Variants in RP1 observed in about 807,000 individuals in gnomAD.
The protein encoded by RP1 is oxygen-regulated protein 1.
In RP1, 16 loss-of-function variants were observed where a neutral mutation model predicts 14.8. That is an observed-to-expected ratio of 1.08 (90% CI 0.73 to 1.65). The LOEUF (loss-of-function observed/expected upper bound fraction) is 1.65, where lower values mean the gene tolerates loss of function less well. Ranked by LOEUF, RP1 falls within the 40% of genes most tolerant of loss-of-function variation. The probability of loss-of-function intolerance (pLI) is 0.00; values close to 1 mark genes in which losing one functional copy is unlikely to be tolerated. For missense variants in RP1, 2,631 were observed against 2,535.0 expected, an observed-to-expected ratio of 1.04 and a Z score of -0.81; for synonymous variants, 876 against 883.6, an observed-to-expected ratio of 0.99 and a Z score of 0.15.
At chr8:54,672,898 T>A (rs1047218319) in intron 7 of RP1, among the ~76,000 whole-genome samples, 4 of 152,202 alleles carry the variant, frequency 2.6e-5, no homozygotes, top group Non-Finnish European at 5.9e-5. Flanking sequence ...TTATTATAAA[T>A]ATCATAACTC....
intron 15 of RP1, among the ~76,000 whole-genome samples, chr8:54,719,180 C>T (rs1168545264): frequency 6.6e-6 from 1 of 152,034 alleles, no homozygotes; most frequent in Non-Finnish European, 1.5e-5. Flanking sequence ...GTTTATGGTG[C>T]CCCTCCACCT....
chr8:54,673,993 C>A, intron 8 of RP1: 3 of 1,261,186 alleles, frequency 2.4e-6, no homozygotes, highest in South Asian at 1.3e-5. Flanking sequence ...AAACTCTGTT[C>A]AAATCTAGAA....
chr8:54,570,175 C>T (rs1586389237), intron 1 of RP1, among the ~76,000 whole-genome samples: 1 of 152,114 alleles, frequency 6.6e-6, no homozygotes, highest in South Asian at 2.1e-4. Flanking sequence ...TGTGGAAAAC[C>T]CAACTGCCCA....
At chr8:54,662,584 G>A (rs1397754378) in intron 6 of RP1, among the ~76,000 whole-genome samples, 5 of 152,152 alleles carry the variant, frequency 3.3e-5, no homozygotes, top group Admixed American at 2.6e-4. Flanking sequence ...ATGGTAGCAT[G>A]TCTGCATCTT....
At chr8:54,685,525 T>C (rs1807543138) in intron 12 of RP1, among the ~76,000 whole-genome samples, 1 of 152,204 alleles carries the variant, frequency 6.6e-6, no homozygotes, top group African/African-American at 2.4e-5. Flanking sequence ...GAGACTGTTA[T>C]GATTTCAGTT....
chr8:54,642,828 G>A (rs1806476329), intron 3 of RP1, among the ~76,000 whole-genome samples: 1 of 152,110 alleles, frequency 6.6e-6, no homozygotes, highest in Non-Finnish European at 1.5e-5. Flanking sequence ...CTTCACTGAT[G>A]TCAAACTGTG....
chr8:54,693,383 C>G (rs1453352802), intron 12 of RP1, among the ~76,000 whole-genome samples: 1 of 152,068 alleles, frequency 6.6e-6, no homozygotes, highest in Non-Finnish European at 1.5e-5. Context: ...ATGGGGATGG[C>G]CTTGAATCTA....
At chr8:54,694,131 G>T (rs985875193) in intron 12 of RP1, among the ~76,000 whole-genome samples, 2 of 152,042 alleles carry the variant, frequency 1.3e-5, no homozygotes, top group African/African-American at 4.8e-5. Context: ...TTATTGATTT[G>T]CATATGTTGA....
chr8:54,563,622 T>C (rs932732448), intron 1 of RP1, among the ~76,000 whole-genome samples: 6 of 152,124 alleles, frequency 3.9e-5, no homozygotes, highest in African/African-American at 1.2e-4. Context: ...CATAGCTCAC[T>C]ACAGCCTTGA....
intron 1 of RP1, among the ~76,000 whole-genome samples, chr8:54,576,979 C>G (rs1459454407): frequency 6.6e-6 from 1 of 152,070 alleles, no homozygotes; most frequent in Non-Finnish European, 1.5e-5. Context: ...TGTAGTTGCT[C>G]TATGTATTAT....
chr8:54,796,524 G>C (rs1810580642), intron 24 of RP1, among the ~76,000 whole-genome samples: 1 of 152,160 alleles, frequency 6.6e-6, no homozygotes, highest in South Asian at 2.1e-4. Context: ...AGAGTAGGCA[G>C]GGCCTTGATT....
intron 8 of RP1, among the ~76,000 whole-genome samples, chr8:54,678,181 C>T (rs1807339877): frequency 6.6e-6 from 1 of 152,088 alleles, no homozygotes. Context: ...TTAAAAGCAG[C>T]TACAGAATTG....
chr8:54,857,681 T>C (rs1812237724), intron 27 of RP1, among the ~76,000 whole-genome samples: 2 of 152,234 alleles, frequency 1.3e-5, no homozygotes, highest in South Asian at 2.1e-4. Context: ...CCAGACACCC[T>C]GGGCATTCTT....
At chr8:54,574,304 G>C (rs531228839) in intron 1 of RP1, among the ~76,000 whole-genome samples, 23 of 152,154 alleles carry the variant, frequency 1.5e-4, no homozygotes, top group Non-Finnish European at 2.8e-4. Flanking sequence ...AGCCGAAGCG[G>C]GGTGAGACCC....
Position 54,621,327 on chromosome 8 carries a change from C to A in RP1, c.361C>A (p.Arg121Ser). The A allele has an allele frequency of 1.9e-6, 3 of 1,612,122 alleles. No homozygotes were observed. Among genetic ancestry groups the A allele is most frequent in the Non-Finnish European group, 2.5e-6 (3 of 1,179,076 alleles). Residue 121 changes from arginine (R) to serine (S), a missense_variant, in exon 2 of 4, where the codon CGT (arginine) becomes AGT (serine). Coordinates refer to ENST00000220676, the MANE Select transcript of RP1 (RefSeq NM_006269.2). ...GCAGCCTGTAGACCTGGACAAAGCC[C>A]GTCGGCGCCCGCGGCCCTGGCTCAG... ...KVQPVDLDKA[R>S]RRPRPWLSSR...
intron 25 of RP1, among the ~76,000 whole-genome samples, chr8:54,845,271 A>G (rs1811889582): frequency 6.6e-6 from 1 of 152,156 alleles, no homozygotes; most frequent in African/African-American, 2.4e-5. Flanking sequence ...CTGGGTGAGG[A>G]GCAGCCGCTG....
chr8:54,852,659 C>A, exon 26 of RP1: 15 of 1,231,360 alleles, frequency 1.2e-5, no homozygotes, highest in Non-Finnish European at 1.5e-5. Flanking sequence ...TCATCGGTAC[C>A]AGAGGTGATT....
chr8:54,833,621 G>A (rs1453586647), intron 24 of RP1, among the ~76,000 whole-genome samples: 3 of 152,002 alleles, frequency 2.0e-5, no homozygotes, highest in East Asian at 1.9e-4. Flanking sequence ...CCTTAATCAC[G>A]CAACTCCTTC....
At chr8:54,807,102 G>A (rs1181075782) in intron 24 of RP1, among the ~76,000 whole-genome samples, 3 of 152,166 alleles carry the variant, frequency 2.0e-5, no homozygotes, top group African/African-American at 4.8e-5. Flanking sequence ...TTCTACTTGT[G>A]TCATATAATT....
Sources: allele counts gnomAD v4.1 joint callset (sites outside exome capture counted in the v4.1 genomes callset), GRCh38; gene constraint gnomAD v4.1.1; transcripts MANE v1.5; gene names NCBI Gene and HGNC (gene_info 2026-07-23, HGNC 2026-07-21).